ASIC2: variants seen among roughly 807,000 people sequenced by gnomAD.
ASIC2 encodes the protein acid-sensing ion channel 2.
A neutral mutation model predicts 57.3 loss-of-function variants in ASIC2; 25 were observed. That is an observed-to-expected ratio of 0.44 (90% CI 0.32 to 0.61). The LOEUF (loss-of-function observed/expected upper bound fraction) is 0.61. Among genes scored for constraint, ASIC2 ranks in the 20% least tolerant of loss-of-function variants. The pLI is 0.06. For synonymous variants in ASIC2, 319 were observed against 307.5 expected, an observed-to-expected ratio of 1.04 and a Z score of -0.39; for missense variants, 641 against 738.1, an observed-to-expected ratio of 0.87 and a Z score of 1.52.
intron 1 of ASIC2, among the ~76,000 whole-genome samples, chr17:33,379,687 G>T (rs963258052): frequency 2.6e-5 from 4 of 152,158 alleles, no homozygotes; most frequent in African/African-American, 9.7e-5. Flanking sequence ...AAGGTGATCT[G>T]CATCACCTTT....
At chr17:33,588,760 A>G (rs1904728705) in intron 1 of ASIC2, among the ~76,000 whole-genome samples, 1 of 152,174 alleles carries the variant, frequency 6.6e-6, no homozygotes, top group African/African-American at 2.4e-5. Flanking sequence ...CCAGATATGG[A>G]GATGTTTGAG....
At chr17:33,535,042 T>C (rs1915182388) in intron 1 of ASIC2, among the ~76,000 whole-genome samples, 1 of 152,216 alleles carries the variant, frequency 6.6e-6, no homozygotes, top group Admixed American at 6.5e-5. Context: ...TTTTCAGAGA[T>C]GGAACTGAGA....
chr17:33,898,197 A>G (rs12937916), intron 1 of ASIC2, among the ~76,000 whole-genome samples: 7,412 of 143,040 alleles, frequency 0.052, 423 homozygotes, highest in East Asian at 0.3. Flanking sequence ...AACTACAAAA[A>G]CTGCCCAGAG....
intron 1 of ASIC2, among the ~76,000 whole-genome samples, chr17:33,784,780 T>C (rs1410304252): frequency 6.6e-6 from 1 of 152,210 alleles, no homozygotes; most frequent in Admixed American, 6.5e-5. Context: ...GAGAGCTGTT[T>C]TGTGCAGTGC....
intron 1 of ASIC2, among the ~76,000 whole-genome samples, chr17:34,139,635 C>T (rs1435484963): frequency 1.3e-5 from 2 of 152,068 alleles, no homozygotes; most frequent in Non-Finnish European, 2.9e-5. Context: ...ACATTGTACT[C>T]AATGGAAGAA....
At chr17:34,004,677 T>A (rs1040240486) in intron 1 of ASIC2, 1 of 152,228 alleles carries the variant, frequency 6.6e-6, no homozygotes, top group Admixed American at 6.5e-5. Flanking sequence ...ACCTACCACA[T>A]ATAGTTAGGA....
At chr17:33,809,417 C>G (rs371758688) in intron 1 of ASIC2, among the ~76,000 whole-genome samples, 2 of 152,214 alleles carry the variant, frequency 1.3e-5, no homozygotes, top group African/African-American at 4.8e-5. Flanking sequence ...GCACACACCT[C>G]TGAGTGCCAA....
intron 1 of ASIC2, among the ~76,000 whole-genome samples, chr17:33,708,936 G>T (rs532658220): frequency 9.9e-5 from 15 of 152,214 alleles, no homozygotes; most frequent in African/African-American, 3.6e-4. Flanking sequence ...TTTATTTTTG[G>T]CTTGCTGCCT....
intron 1 of ASIC2, among the ~76,000 whole-genome samples, chr17:33,411,168 C>T (rs1910646159): frequency 6.6e-6 from 1 of 152,238 alleles, no homozygotes; most frequent in Non-Finnish European, 1.5e-5. Context: ...TAGGCTGCTA[C>T]TCCAGGCTGG....
At chr17:34,070,962 C>T (rs1173146859) in intron 1 of ASIC2, 1 of 152,208 alleles carries the variant, frequency 6.6e-6, no homozygotes, top group Non-Finnish European at 1.5e-5. Context: ...TGCTCGTAGT[C>T]CAAAACATGC....
chr17:33,739,951 A>G (rs751018552), intron 1 of ASIC2, among the ~76,000 whole-genome samples: 9 of 124,742 alleles, frequency 7.2e-5, no homozygotes, highest in South Asian at 2.3e-4. Flanking sequence ...GAAAGAAAAG[A>G]AAAAAGAGAA....
At chr17:33,169,457 G>A (rs1247417028) in intron 1 of ASIC2, among the ~76,000 whole-genome samples, 1 of 152,208 alleles carries the variant, frequency 6.6e-6, no homozygotes, top group Non-Finnish European at 1.5e-5. Flanking sequence ...AAACCACTCG[G>A]CTCAGTGCCT....
intron 1 of ASIC2, among the ~76,000 whole-genome samples, chr17:33,239,536 C>A (rs1284729174): frequency 6.6e-6 from 1 of 152,222 alleles, no homozygotes; most frequent in Admixed American, 6.5e-5. Flanking sequence ...CTGCTATACA[C>A]TCTGATGCCT....
chr17:33,499,576 T>C (rs1288839917), intron 1 of ASIC2, among the ~76,000 whole-genome samples: 1 of 152,214 alleles, frequency 6.6e-6, no homozygotes, highest in Non-Finnish European at 1.5e-5. Flanking sequence ...TTGGACTTTG[T>C]CCTCCAGAAC....
chr17:33,280,362 T>C (rs1904891713), intron 1 of ASIC2, among the ~76,000 whole-genome samples: 1 of 152,210 alleles, frequency 6.6e-6, no homozygotes, highest in South Asian at 2.1e-4. Flanking sequence ...AATGTAATTA[T>C]AGTGATGTTA....
chr17:34,144,174 G>T (rs972462437), intron 1 of ASIC2, among the ~76,000 whole-genome samples: 6 of 152,116 alleles, frequency 3.9e-5, no homozygotes, highest in Admixed American at 2.6e-4. Context: ...TATTTCACTT[G>T]GCTGTTGTGA....
At chr17:33,115,681 C>T (rs991685238) in intron 1 of ASIC2, among the ~76,000 whole-genome samples, 2 of 152,214 alleles carry the variant, frequency 1.3e-5, no homozygotes, top group East Asian at 1.9e-4. Flanking sequence ...TCATTCATAT[C>T]GGGACTTCTT....
intron 1 of ASIC2, among the ~76,000 whole-genome samples, chr17:33,632,120 C>A (rs554617794): frequency 6.6e-6 from 1 of 152,268 alleles, no homozygotes; most frequent in African/African-American, 2.4e-5. Context: ...AATCAACTAA[C>A]CTCTCTGAGT....
At chr17:33,965,628 T>C (rs866406195) in intron 1 of ASIC2, among the ~76,000 whole-genome samples, 2 of 152,176 alleles carry the variant, frequency 1.3e-5, no homozygotes, top group Admixed American at 6.5e-5. Context: ...ATAGGTACTC[T>C]TTTTCTTTCC....
Sources: gnomAD v4.1 joint callset for allele counts (sites outside exome capture counted in the v4.1 genomes callset) on GRCh38, gnomAD v4.1.1 for gene constraint, MANE v1.5 for transcripts, NCBI Gene and HGNC (gene_info 2026-07-23, HGNC 2026-07-21) for gene names.